Variants in CENPP observed in about 807,000 individuals in gnomAD.
CENPP encodes the protein centromere protein P.
CENPP carries 24 observed loss-of-function variants against 35.6 expected under a neutral mutation model. The observed-to-expected ratio is 0.67, with a 90% CI of 0.49 to 0.95. The LOEUF (loss-of-function observed/expected upper bound fraction) is 0.95, where lower values mean the gene tolerates loss of function less well. Among genes scored for constraint, CENPP ranks in the 40% least tolerant of loss-of-function variants. CENPP has a pLI of 0.00. For missense variants in CENPP, 332 were observed against 345.3 expected, an observed-to-expected ratio of 0.96 and a Z score of 0.31; for synonymous variants, 120 against 125.5, an observed-to-expected ratio of 0.96 and a Z score of 0.29.
intron 5 of CENPP, among the ~76,000 whole-genome samples, chr9:92,426,306 A>G (rs1843964899): frequency 6.6e-6 from 1 of 152,200 alleles, no homozygotes; most frequent in Non-Finnish European, 1.5e-5. Context: ...TTTGATTGAA[A>G]TAGATTCAGT....
chr9:92,329,477 C>T (rs149937085), intron 1 of CENPP, among the ~76,000 whole-genome samples: 6 of 152,200 alleles, frequency 3.9e-5, no homozygotes, highest in South Asian at 2.1e-4. Flanking sequence ...CCACCGTGCC[C>T]GGCCGCACAT....
intron 5 of CENPP, among the ~76,000 whole-genome samples, chr9:92,582,544 T>A (rs1389979019): frequency 6.6e-6 from 1 of 151,922 alleles, no homozygotes; most frequent in Non-Finnish European, 1.5e-5. Flanking sequence ...CCCTGGAGAT[T>A]GACAAAAGGT....
intron 5 of CENPP, among the ~76,000 whole-genome samples, chr9:92,591,506 T>TTA (rs1289694896): frequency 1.3e-5 from 2 of 151,562 alleles, no homozygotes; most frequent in African/African-American, 4.9e-5. Context: ...GTGTCAATCC[T>TTA]AACTCAAGAA....
chr9:92,546,177 G>A (rs572183233), intron 5 of CENPP, among the ~76,000 whole-genome samples: 4 of 152,250 alleles, frequency 2.6e-5, no homozygotes, highest in East Asian at 1.9e-4. Flanking sequence ...GATTGTAAAC[G>A]CACCAGTCAG....
chr9:92,544,181 A>G (rs901918368), intron 5 of CENPP, among the ~76,000 whole-genome samples: 4 of 152,228 alleles, frequency 2.6e-5, no homozygotes, highest in Non-Finnish European at 4.4e-5. Flanking sequence ...CTTGTCATAA[A>G]TGATCTTTAT....
chr9:92,609,159 A>C (rs747050831), intron 5 of CENPP, among the ~76,000 whole-genome samples: 17 of 152,264 alleles, frequency 1.1e-4, no homozygotes, highest in Non-Finnish European at 2.4e-4. Flanking sequence ...GTTGTGCTGA[A>C]GTTAGTAATT....
In CENPP at chr9:92,613,155, A is replaced by C. The variant is rs758244470; in HGVS notation, c.*6A>C. The C allele has an allele frequency of 1.9e-6, 3 of 1,614,078 alleles. No individual in the cohort carries two copies. Among genetic ancestry groups the C allele is most frequent in the Non-Finnish European group, 2.5e-6 (3 of 1,180,040 alleles). On this transcript the variant is annotated 3_prime_UTR_variant, in exon 8 of 8. Transcript: ENST00000375587. ...GTGCAGAGGAGAACAACTAGTTCCA[A>C]AACAGTGAACGTGGAGGATGAAGAT... is the stretch of plus-strand genomic sequence containing the variant.
chr9:92,466,439 C>T (rs756921551), intron 5 of CENPP: 3 of 1,610,208 alleles, frequency 1.9e-6, no homozygotes, highest in South Asian at 2.2e-5. Context: ...CTGAGTTCTG[C>T]TAATGATTTG....
At chr9:92,449,818 G>C (rs564888777) in intron 5 of CENPP, among the ~76,000 whole-genome samples, 2 of 152,268 alleles carry the variant, frequency 1.3e-5, no homozygotes, top group Admixed American at 6.5e-5. Flanking sequence ...GATGCTTCCT[G>C]AGGCCTCCCC....
At chr9:92,395,457 A>C (rs966061586) in intron 5 of CENPP, among the ~76,000 whole-genome samples, 7 of 152,116 alleles carry the variant, frequency 4.6e-5, no homozygotes, top group African/African-American at 7.2e-5. Context: ...CCAGGTTTTC[A>C]CTATTTCAAA....
chr9:92,428,708 G>A (rs112215423), intron 5 of CENPP, among the ~76,000 whole-genome samples: 1 of 151,992 alleles, frequency 6.6e-6, no homozygotes, highest in African/African-American at 2.4e-5. Context: ...CCTTGTTTCT[G>A]CTTGTTACTT....
intron 5 of CENPP, among the ~76,000 whole-genome samples, chr9:92,459,191 T>C (rs1051827961): frequency 1.3e-5 from 2 of 152,148 alleles, no homozygotes; most frequent in South Asian, 4.1e-4. Flanking sequence ...TAAAAAAAAA[T>C]ATACATGTCT....
At chr9:92,558,479 T>C (rs1293701957) in intron 5 of CENPP, among the ~76,000 whole-genome samples, 1 of 152,196 alleles carries the variant, frequency 6.6e-6, no homozygotes, top group Non-Finnish European at 1.5e-5. Flanking sequence ...GTACAGAGTC[T>C]TGTGATGTGA....
intron 3 of CENPP, among the ~76,000 whole-genome samples, chr9:92,343,570 A>G (rs537631547): frequency 1.3e-5 from 2 of 152,222 alleles, no homozygotes; most frequent in Non-Finnish European, 2.9e-5. Context: ...ACAGGCTCCA[A>G]AGAAAATCTG....
intron 5 of CENPP, among the ~76,000 whole-genome samples, chr9:92,554,465 G>A (rs1157371978): frequency 1.3e-5 from 2 of 152,188 alleles, no homozygotes; most frequent in African/African-American, 4.8e-5. Context: ...TTACAGGCGT[G>A]AGCCACTGCG....
chr9:92,493,903 C>T (rs1353756806), intron 5 of CENPP: 1 of 445,524 alleles, frequency 2.2e-6, no homozygotes, highest in Non-Finnish European at 4.0e-6. Context: ...CACAGCAAGC[C>T]CACAGTGCGT....
At chr9:92,519,182 T>G (rs1442985290) in intron 5 of CENPP, among the ~76,000 whole-genome samples, 1 of 152,142 alleles carries the variant, frequency 6.6e-6, no homozygotes, top group East Asian at 1.9e-4. Context: ...ATTCGAATAC[T>G]TGCAATAGGC....
chr9:92,385,417 A>T, intron 5 of CENPP: 1 of 494,844 alleles, frequency 2.0e-6, no homozygotes, highest in Admixed American at 3.7e-5. Flanking sequence ...ATATTTTCAT[A>T]TTACTTTGTT....
intron 5 of CENPP, among the ~76,000 whole-genome samples, chr9:92,516,431 AC>A (rs1262506014): frequency 6.6e-6 from 1 of 152,108 alleles, no homozygotes; most frequent in East Asian, 1.9e-4. Flanking sequence ...TTTATTTAAC[AC>A]TATATATAAA....
Sources: gnomAD v4.1 joint callset for allele counts (sites outside exome capture counted in the v4.1 genomes callset) on GRCh38, gnomAD v4.1.1 for gene constraint, MANE v1.5 for transcripts, NCBI Gene and HGNC (gene_info 2026-07-23, HGNC 2026-07-21) for gene names.